CNTN1: variants seen among roughly 807,000 people sequenced by gnomAD.
CNTN1 encodes contactin 1.
Under a neutral mutation model 126.4 loss-of-function variants are expected in CNTN1, and 38 were observed. The observed-to-expected ratio is 0.30, with a 90% CI of 0.23 to 0.39. The LOEUF is 0.39. Ranked by LOEUF, CNTN1 falls within the 10% of genes least tolerant of loss-of-function variation. The probability of loss-of-function intolerance (pLI) is 1.00; values close to 1 mark genes in which losing one functional copy is unlikely to be tolerated. For missense variants in CNTN1, 1,009 were observed against 1,248.4 expected (o/e 0.81, Z 2.89); for synonymous variants, 413 against 422.6 (o/e 0.98, Z 0.28).
At chr12:40,815,962 G>A (rs987201035) in intron 1 of CNTN1, among the ~76,000 whole-genome samples, 3 of 152,136 alleles carry the variant, frequency 2.0e-5, no homozygotes, top group East Asian at 3.8e-4. Flanking sequence ...TTATTGATTT[G>A]TGTATGTTGA....
chr12:40,823,793 T>C (rs1941525449), intron 1 of CNTN1, among the ~76,000 whole-genome samples: 1 of 152,164 alleles, frequency 6.6e-6, no homozygotes, highest in South Asian at 2.1e-4. Context: ...CAATAGATTA[T>C]TGGAAATTTT....
At chr12:40,876,092 T>C (rs1943657667) in intron 1 of CNTN1, among the ~76,000 whole-genome samples, 1 of 150,816 alleles carries the variant, frequency 6.6e-6, no homozygotes, top group Admixed American at 6.6e-5. Flanking sequence ...AAATTGGAGA[T>C]CACAAAATAG....
intron 1 of CNTN1, among the ~76,000 whole-genome samples, chr12:40,860,170 G>T (rs1290840621): frequency 1.3e-5 from 2 of 151,908 alleles, no homozygotes; most frequent in South Asian, 4.1e-4. Context: ...AACATATATT[G>T]CATACTTTAT....
intron 1 of CNTN1, among the ~76,000 whole-genome samples, chr12:40,702,210 A>G (rs9783468): frequency 0.61 from 92,683 of 151,576 alleles, 29,120 homozygotes; most frequent in East Asian, 0.84. Flanking sequence ...TACTGGGATT[A>G]CAGGCATGAG....
At chr12:40,920,670 G>T (rs1239045290) in intron 4 of CNTN1, among the ~76,000 whole-genome samples, 1 of 152,164 alleles carries the variant, frequency 6.6e-6, no homozygotes, top group Non-Finnish European at 1.5e-5. Flanking sequence ...TTTGTAGCAT[G>T]TTCTGGGACA....
At chr12:40,730,231 A>G (rs1440882008) in intron 1 of CNTN1, among the ~76,000 whole-genome samples, 1 of 152,234 alleles carries the variant, frequency 6.6e-6, no homozygotes, top group Non-Finnish European at 1.5e-5. Flanking sequence ...GTTGCAGGGC[A>G]TGAGAATTTT....
chr12:40,864,207 A>G (rs1019631802), intron 1 of CNTN1, among the ~76,000 whole-genome samples: 2 of 151,196 alleles, frequency 1.3e-5, no homozygotes, highest in African/African-American at 4.9e-5. Context: ...TAGTAGAGAC[A>G]GGGGGTTTCA....
intron 1 of CNTN1, among the ~76,000 whole-genome samples, chr12:40,734,772 A>C (rs987328420): frequency 2.6e-5 from 4 of 152,152 alleles, no homozygotes; most frequent in African/African-American, 9.6e-5. Context: ...TAAGCATGCT[A>C]AGAAAAATAC....
chr12:40,693,640 G>C (rs1187732740), intron 1 of CNTN1, among the ~76,000 whole-genome samples: 1 of 152,096 alleles, frequency 6.6e-6, no homozygotes, highest in Non-Finnish European at 1.5e-5. Flanking sequence ...ATGCCAAACC[G>C]GGCATGGGTA....
At chr12:41,034,873 A>G (rs1037829067) in intron 23 of CNTN1, among the ~76,000 whole-genome samples, 7 of 152,170 alleles carry the variant, frequency 4.6e-5, no homozygotes, top group Non-Finnish European at 7.4e-5. Flanking sequence ...GAGTCTCTAA[A>G]TTCAACTTTG....
At position 41,072,001 on chromosome 12, in the gene CNTN1, G is replaced by C. The variant is rs1053529066; in HGVS notation, c.*1966G>C. Reference sequence around the variant, plus strand: ...GTTAGATTTTGCATGAAATGGTTCTGAAAGGTAAGAGGAAAACAGACTTTG... The same window carrying C: ...GTTAGATTTTGCATGAAATGGTTCTCAAAGGTAAGAGGAAAACAGACTTTG... On this transcript the variant is annotated 3_prime_UTR_variant, in exon 24 of 24. Coordinates refer to ENST00000551295, the MANE Select transcript of CNTN1 (RefSeq NM_001843.4). The C allele has an allele frequency of 6.6e-6, 1 of 152,170 alleles. No homozygotes were observed. Among genetic ancestry groups the C allele is most frequent in the Non-Finnish European group, 1.5e-5 (1 of 68,012 alleles). The allele number at this position is 152,170 out of a possible 1,614,324, so 9.4% of individuals were successfully genotyped here. A position where few individuals can be genotyped will look rare whatever the true frequency, so the allele number is the denominator to read the frequency against.
At chr12:41,035,303 CTT>C (rs1205317268) in intron 23 of CNTN1, among the ~76,000 whole-genome samples, 1 of 152,172 alleles carries the variant, frequency 6.6e-6, no homozygotes, top group African/African-American at 2.4e-5. Context: ...GAAATAAAGT[CTT>C]AGCCTCCAGA....
At chr12:40,919,391 G>A (rs1945356894) in intron 4 of CNTN1, among the ~76,000 whole-genome samples, 1 of 152,070 alleles carries the variant, frequency 6.6e-6, no homozygotes, top group African/African-American at 2.4e-5. Context: ...CTTCAGATGG[G>A]TCATAAAAGT....
intron 23 of CNTN1, among the ~76,000 whole-genome samples, chr12:41,038,209 A>G (rs11179587): frequency 0.018 from 2,770 of 152,268 alleles, 33 homozygotes; most frequent in Non-Finnish European, 0.029. Context: ...TAATTTACAT[A>G]ATTTATTTTA....
intron 23 of CNTN1, among the ~76,000 whole-genome samples, chr12:41,052,078 G>A (rs558681401): frequency 6.6e-6 from 1 of 152,270 alleles, no homozygotes; most frequent in African/African-American, 2.4e-5. Context: ...GTAGAGAACT[G>A]TGGGGGTAGA....
At chr12:40,916,432 T>A (rs1945248997) in intron 3 of CNTN1, among the ~76,000 whole-genome samples, 1 of 152,098 alleles carries the variant, frequency 6.6e-6, no homozygotes, top group South Asian at 2.1e-4. Flanking sequence ...AAGCACAAGG[T>A]CATTTCTTTC....
At chr12:40,898,790 G>A (rs78943838) in intron 1 of CNTN1, among the ~76,000 whole-genome samples, 32 of 152,270 alleles carry the variant, frequency 2.1e-4, no homozygotes, top group African/African-American at 6.7e-4. Flanking sequence ...GGGTGGTCTC[G>A]TGTCAGAAGA....
intron 1 of CNTN1, among the ~76,000 whole-genome samples, chr12:40,827,366 A>G (rs994068517): frequency 9.2e-5 from 14 of 152,138 alleles, no homozygotes; most frequent in African/African-American, 2.9e-4. Flanking sequence ...TTTTGAAATG[A>G]AAAATTAATT....
intron 1 of CNTN1, among the ~76,000 whole-genome samples, chr12:40,698,450 A>T (rs1941509263): frequency 6.6e-6 from 1 of 151,574 alleles, no homozygotes; most frequent in Non-Finnish European, 1.5e-5. Flanking sequence ...GTTAGCGAGG[A>T]TGGTCTTGAT....
Sources: gnomAD v4.1 joint callset for allele counts (sites outside exome capture counted in the v4.1 genomes callset) on GRCh38, gnomAD v4.1.1 for gene constraint, MANE v1.5 for transcripts, NCBI Gene and HGNC (gene_info 2026-07-23, HGNC 2026-07-21) for gene names.